BMPR1B: variants seen among roughly 807,000 people sequenced by gnomAD.
The protein encoded by BMPR1B is bone morphogenetic protein receptor type 1B, also known as bone morphogenetic protein receptor type-1B.
BMPR1B carries 12 observed loss-of-function variants against 59.1 expected under a neutral mutation model. The observed-to-expected ratio is 0.20, with a 90% CI of 0.13 to 0.33. The LOEUF is 0.33. Among genes scored for constraint, BMPR1B ranks in the 10% least tolerant of loss-of-function variants. BMPR1B has a pLI of 1.00. For synonymous variants in BMPR1B, 237 were observed against 207.3 expected (o/e 1.14, Z -1.23); for missense variants, 550 against 610.9 (o/e 0.90, Z 1.05).
intron 9 of BMPR1B, 133 bp from the exon 10 acceptor site, chr4:95,131,082 C>A: frequency 1.1e-6 from 1 of 926,394 alleles, no homozygotes. Flanking sequence ...TTAATACCAT[C>A]ATAGGCATAG....
At chr4:95,112,727 G>A (rs1221264221) in intron 4 of BMPR1B, among the ~76,000 whole-genome samples, 2 of 152,062 alleles carry the variant, frequency 1.3e-5, no homozygotes, top group Non-Finnish European at 2.9e-5. Context: ...GACAAGGGGT[G>A]TGTATTTTTA....
chr4:95,080,385 C>T (rs1343860541), intron 3 of BMPR1B, among the ~76,000 whole-genome samples: 1 of 152,036 alleles, frequency 6.6e-6, no homozygotes, highest in Non-Finnish European at 1.5e-5. Context: ...TACAGGTGTC[C>T]ACAACCATGT....
intron 2 of BMPR1B, among the ~76,000 whole-genome samples, chr4:94,914,618 G>T (rs1441833041): frequency 1.3e-5 from 2 of 152,102 alleles, no homozygotes; most frequent in Non-Finnish European, 2.9e-5. Context: ...TGAAGTCAAA[G>T]AATGGTTTTA....
chr4:94,998,435 G>A (rs1343167464), intron 3 of BMPR1B, among the ~76,000 whole-genome samples: 8 of 150,616 alleles, frequency 5.3e-5, no homozygotes, highest in Non-Finnish European at 8.8e-5. Context: ...GTGCAATGGC[G>A]CGATCTTAGC....
intron 3 of BMPR1B, among the ~76,000 whole-genome samples, chr4:95,026,727 C>G (rs375313899): frequency 7.1e-6 from 1 of 141,406 alleles, no homozygotes; most frequent in South Asian, 2.6e-4. Flanking sequence ...CTGCCCTACC[C>G]TCCCCTCCCT....
intron 2 of BMPR1B, among the ~76,000 whole-genome samples, chr4:94,959,639 A>C (rs1730280515): frequency 6.6e-6 from 1 of 152,182 alleles, no homozygotes; most frequent in East Asian, 1.9e-4. Context: ...ATGTAATATA[A>C]AATTTCATTA....
intron 2 of BMPR1B, among the ~76,000 whole-genome samples, chr4:94,911,222 A>C (rs564322650): frequency 6.6e-6 from 1 of 152,292 alleles, no homozygotes; most frequent in African/African-American, 2.4e-5. Flanking sequence ...GTGAAACTCA[A>C]TCTTAGTGAA....
intron 3 of BMPR1B, among the ~76,000 whole-genome samples, chr4:95,046,699 C>T (rs1726084531): frequency 6.6e-6 from 1 of 152,170 alleles, no homozygotes; most frequent in African/African-American, 2.4e-5. Flanking sequence ...TTTCCTTCCT[C>T]TGCCCTTCTG....
chr4:94,882,974 GTGTA>G (rs1296807036), intron 2 of BMPR1B, among the ~76,000 whole-genome samples: 23 of 131,220 alleles, frequency 1.8e-4, no homozygotes, highest in Non-Finnish European at 2.4e-4. Context: ...GTGCGTGTGT[GTGTA>G]TGTGTGTGTG....
chr4:94,905,044 A>G (rs531507142), intron 2 of BMPR1B, among the ~76,000 whole-genome samples: 10 of 152,164 alleles, frequency 6.6e-5, no homozygotes, highest in South Asian at 2.1e-4. Context: ...TTTTGGATAA[A>G]TTATTTGAAA....
chr4:94,945,949 T>C (rs893959039), intron 2 of BMPR1B, among the ~76,000 whole-genome samples: 1 of 152,166 alleles, frequency 6.6e-6, no homozygotes, highest in African/African-American at 2.4e-5. Context: ...GTAGAATAGC[T>C]AAGTGATAAC....
At chr4:95,003,695 T>C (rs1722612824) in intron 3 of BMPR1B, among the ~76,000 whole-genome samples, 1 of 152,036 alleles carries the variant, frequency 6.6e-6, no homozygotes, top group Non-Finnish European at 1.5e-5. Context: ...TTTCCTCTTT[T>C]CATGATAAAG....
chr4:95,093,302 C>G (rs553248298), intron 3 of BMPR1B, among the ~76,000 whole-genome samples: 12 of 152,068 alleles, frequency 7.9e-5, no homozygotes, highest in African/African-American at 2.6e-4. Flanking sequence ...GATTGAGTTT[C>G]TCTAAATTCA....
At chr4:94,962,879 T>A (rs1199098692) in intron 2 of BMPR1B, among the ~76,000 whole-genome samples, 1 of 152,154 alleles carries the variant, frequency 6.6e-6, no homozygotes, top group African/African-American at 2.4e-5. Context: ...TAGTTTAAGT[T>A]ATTTGAGGAA....
intron 3 of BMPR1B, among the ~76,000 whole-genome samples, chr4:95,054,277 A>G (rs1726756167): frequency 6.6e-6 from 1 of 152,168 alleles, no homozygotes; most frequent in African/African-American, 2.4e-5. Flanking sequence ...CCTACTTGGG[A>G]TAGAAGCAAG....
rs576936774 is a variant in BMPR1B, at chr4:95,089,681, A to G, written c.-17-14727A>G. On this transcript the variant is annotated intron_variant, in intron 3 of 12. Transcript: ENST00000515059. Reference sequence around the variant, plus strand: ...GTGTGCCATGCCCAGATTGAAGATAACACAATTATTATAATAACATAGTTT... The same window carrying G: ...GTGTGCCATGCCCAGATTGAAGATAGCACAATTATTATAATAACATAGTTT... Among the ~76,000 whole-genome samples, 4 of 152,226 alleles carry G rather than the reference A, an allele frequency of 2.6e-5. 1 individual carries two copies. The South Asian group carries it at 8.3e-4, about 32-fold the overall frequency.
chr4:94,890,819 A>G (rs908859383), intron 2 of BMPR1B, among the ~76,000 whole-genome samples: 1 of 151,944 alleles, frequency 6.6e-6, no homozygotes, highest in Non-Finnish European at 1.5e-5. Context: ...TCATGATCTC[A>G]TGTAAACCTA....
At chr4:94,850,366 A>T (rs1283951436) in intron 1 of BMPR1B, among the ~76,000 whole-genome samples, 1 of 152,202 alleles carries the variant, frequency 6.6e-6, no homozygotes, top group Non-Finnish European at 1.5e-5. Context: ...GCTATAATGC[A>T]TGTGTCTTTA....
chr4:95,115,606 G>T, intron 5 of BMPR1B, 79 bp from the exon 6 acceptor site: 2 of 1,179,268 alleles, frequency 1.7e-6, no homozygotes, highest in South Asian at 2.4e-5. Flanking sequence ...TCTAAATAGT[G>T]ACTATTTTTA....
Sources: allele counts gnomAD v4.1 joint callset (sites outside exome capture counted in the v4.1 genomes callset), GRCh38; gene constraint gnomAD v4.1.1; transcripts MANE v1.5; gene names NCBI Gene and HGNC (gene_info 2026-07-23, HGNC 2026-07-21).